Variants in CDH4 observed in about 807,000 individuals in gnomAD.
CDH4 encodes cadherin-4.
In CDH4, 33 loss-of-function variants were observed where a neutral mutation model predicts 86.0. The ratio of observed to expected loss-of-function variants is 0.38; its 90% CI spans 0.29 to 0.51. The LOEUF is 0.51. Ranked by LOEUF, CDH4 falls within the 20% of genes least tolerant of loss-of-function variation. The pLI is 0.86. For synonymous variants in CDH4, 555 were observed against 549.4 expected, an observed-to-expected ratio of 1.01 and a Z score of -0.14; for missense variants, 1,114 against 1,307.4, an observed-to-expected ratio of 0.85 and a Z score of 2.28.
At chr20:61,397,900 G>A (rs1478659439) in intron 2 of CDH4, among the ~76,000 whole-genome samples, 2 of 151,830 alleles carry the variant, frequency 1.3e-5, no homozygotes, top group Non-Finnish European at 2.9e-5. Context: ...TATCGCAGCT[G>A]CTATTTTTTT....
At chr20:61,617,285 C>T (rs184084743) in intron 2 of CDH4, among the ~76,000 whole-genome samples, 23 of 152,302 alleles carry the variant, frequency 1.5e-4, no homozygotes, top group Admixed American at 2.6e-4. Context: ...CCACTCTATC[C>T]GCAGATGTGT....
In CDH4 at chr20:61,902,194, G is replaced by A. The variant is rs1009556955; in HGVS notation, c.1188+7147G>A. Among the ~76,000 whole-genome samples, 1 of 152,198 alleles carries A rather than the reference G, an allele frequency of 6.6e-6. No individual in the cohort carries two copies. Among genetic ancestry groups the A allele is most frequent in the African/African-American group, 2.4e-5 (1 of 41,450 alleles). ...GGTCCTCGGCAGGCGTGGAGGCATC[G>A]TGGATGGCCGTTTTCAGAGCAGGGC... On this transcript the variant is annotated intron_variant, in intron 8 of 15. Coordinates refer to ENST00000614565, the MANE Select transcript of CDH4 (RefSeq NM_001794.5). This position sits in a 1 kb window ranked among gnomAD's most constrained non-coding sequence, Gnocchi z 4.6.
intron 2 of CDH4, among the ~76,000 whole-genome samples, chr20:61,282,569 GTGTA>G (rs2084265485): frequency 2.0e-5 from 3 of 151,684 alleles, no homozygotes; most frequent in South Asian, 2.1e-4. Context: ...GTGTGTGTGT[GTGTA>G]TGTCTATCTG....
chr20:61,658,632 C>G (rs1185121928), intron 2 of CDH4, among the ~76,000 whole-genome samples: 1 of 152,224 alleles, frequency 6.6e-6, no homozygotes, highest in Non-Finnish European at 1.5e-5. Context: ...CCACCCCATA[C>G]ATGTCCTGGC....
chr20:61,254,194 G>T (rs1416246124), intron 1 of CDH4, among the ~76,000 whole-genome samples: 1 of 152,158 alleles, frequency 6.6e-6, no homozygotes, highest in African/African-American at 2.4e-5. Context: ...GGGCTCCGAG[G>T]GTGAAAATGC....
intron 2 of CDH4, among the ~76,000 whole-genome samples, chr20:61,565,720 T>TA (rs1404722176): frequency 6.6e-6 from 1 of 152,102 alleles, no homozygotes; most frequent in East Asian, 1.9e-4. Context: ...AGTGCCAAGA[T>TA]ACACAATGCA....
intron 4 of CDH4, among the ~76,000 whole-genome samples, chr20:61,817,599 G>C (rs1403525706): frequency 8.6e-5 from 13 of 151,984 alleles, no homozygotes; most frequent in Admixed American, 8.5e-4. Flanking sequence ...TGCGCACTTT[G>C]TCACCTTCCC....
chr20:61,512,241 G>C (rs1384331383), intron 2 of CDH4, among the ~76,000 whole-genome samples: 2 of 152,140 alleles, frequency 1.3e-5, no homozygotes, highest in African/African-American at 4.8e-5. Flanking sequence ...CGCCTCACCA[G>C]GTCATCATCT....
At chr20:61,267,371 G>A (rs1047522886) in intron 2 of CDH4, among the ~76,000 whole-genome samples, 8 of 152,074 alleles carry the variant, frequency 5.3e-5, no homozygotes, top group African/African-American at 1.9e-4. Flanking sequence ...ATTCCCCAGG[G>A]GCTGCATCCC....
In CDH4 at chr20:61,373,211, C is replaced by T. The variant is rs543646754; in HGVS notation, c.169+118274C>T. On this transcript the variant is annotated intron_variant, in intron 2 of 15. Coordinates refer to ENST00000614565, the MANE Select transcript of CDH4 (RefSeq NM_001794.5). ...ACCCAGGTGTGTGTCCTGCCGGCCC[C>T]GTAGCCTGGAACAACACCCTGTGTC... 4.4e-4 allele frequency among the ~76,000 whole-genome samples: 67 copies of T among 152,208 alleles called. 2 individuals carry two copies. The highest frequency in any genetic ancestry group is 8.7e-4 in the Non-Finnish European group (59 of 68,014).
chr20:61,622,235 C>G (rs138692135), intron 2 of CDH4, among the ~76,000 whole-genome samples: 100 of 152,346 alleles, frequency 6.6e-4, no homozygotes, highest in African/African-American at 2.3e-3. Context: ...TCCTCCCCAC[C>G]CATGTGTTTA....
chr20:61,850,757 T>C (rs1982681939), intron 5 of CDH4, among the ~76,000 whole-genome samples: 1 of 152,192 alleles, frequency 6.6e-6, no homozygotes, highest in Admixed American at 6.5e-5. Context: ...ACCGTCATGG[T>C]GAGGTCACCT....
At chr20:61,746,818 A>T (rs1472048212) in intron 3 of CDH4, among the ~76,000 whole-genome samples, 3 of 152,244 alleles carry the variant, frequency 2.0e-5, no homozygotes, top group Non-Finnish European at 2.9e-5. Context: ...TCCTGTGCTT[A>T]TCACAGTGCT....
chr20:61,783,516 T>G (rs921002697), intron 4 of CDH4, among the ~76,000 whole-genome samples: 1 of 148,938 alleles, frequency 6.7e-6, no homozygotes, highest in African/African-American at 2.5e-5. Flanking sequence ...TAATCCCAGT[T>G]CCTTGGGATA....
intron 2 of CDH4, among the ~76,000 whole-genome samples, chr20:61,690,172 A>G (rs188875846): frequency 1.8e-4 from 27 of 146,736 alleles, no homozygotes; most frequent in South Asian, 8.7e-4. Flanking sequence ...CAGTGGGGAC[A>G]GTGGTTGGTG....
intron 2 of CDH4, among the ~76,000 whole-genome samples, chr20:61,343,132 G>A (rs79169918): frequency 0.011 from 1,747 of 152,342 alleles, 14 homozygotes; most frequent in Non-Finnish European, 0.018. Context: ...TGCTCAGGGT[G>A]GAGGATGCTC....
In CDH4 at chr20:61,786,823, C is replaced by T. The variant is rs144820643; in HGVS notation, c.576+13641C>T. On this transcript the variant is annotated intron_variant, in intron 4 of 15. Transcript: ENST00000614565. The stretch of plus-strand genomic sequence containing the variant: ...TTAGAGTTTGGCAATGGCCAGGGAG[C>T]CTTGTGTCTGCCAGGCCAGCTCCAG... 7.6e-4 allele frequency among the ~76,000 whole-genome samples: 115 copies of T among 152,316 alleles called. 3 individuals carry two copies. The East Asian group carries it at 0.019, about 25-fold the overall frequency.
intron 2 of CDH4, among the ~76,000 whole-genome samples, chr20:61,565,395 A>G (rs28374177): frequency 0.12 from 1,687 of 14,640 alleles, 428 homozygotes; most frequent in African/African-American, 0.48. Flanking sequence ...TGATGGGGTG[A>G]TGGTGGTGGC....
At chr20:61,918,587 C>T (rs1221765088) in intron 9 of CDH4, among the ~76,000 whole-genome samples, 2 of 152,168 alleles carry the variant, frequency 1.3e-5, no homozygotes, top group African/African-American at 4.8e-5. Flanking sequence ...GCATCTCACT[C>T]AGGACTCAGG....
Sources: gnomAD v4.1 joint callset for allele counts (sites outside exome capture counted in the v4.1 genomes callset) on GRCh38, gnomAD v4.1.1 for gene constraint, Gnocchi (gnomAD v3.1) non-coding constraint, MANE v1.5 for transcripts, NCBI Gene and HGNC (gene_info 2026-07-23, HGNC 2026-07-21) for gene names.